Variants in MROH7 observed in about 807,000 individuals in gnomAD.
The protein encoded by MROH7 is maestro heat like repeat family member 7.
Under a neutral mutation model 129.2 loss-of-function variants are expected in MROH7, and 113 were observed. The ratio of observed to expected loss-of-function variants is 0.87; its 90% CI spans 0.75 to 1.02. The LOEUF (loss-of-function observed/expected upper bound fraction) is 1.02. Among genes scored for constraint, MROH7 ranks in the 50% least tolerant of loss-of-function variants. The pLI, the probability that MROH7 is intolerant of heterozygous loss-of-function variation, is 0.00. For synonymous variants in MROH7, 655 were observed against 667.9 expected (o/e 0.98, Z 0.30); for missense variants, 1,601 against 1,671.3 (o/e 0.96, Z 0.73).
At chr1:54,699,866 T>G in intron 17 of MROH7, 1 of 517,154 alleles carries the variant, frequency 1.9e-6, no homozygotes, top group African/African-American at 1.9e-5. Context: ...AAGCCTAGCT[T>G]TAAGGCTCTG....
intron 13 of MROH7, among the ~76,000 whole-genome samples, chr1:54,680,937 T>C (rs1557712557): frequency 6.6e-6 from 1 of 151,656 alleles, no homozygotes; most frequent in Non-Finnish European, 1.5e-5. Flanking sequence ...CTGGCTGTAC[T>C]CCCCACCAGG....
intron 1 of MROH7, among the ~76,000 whole-genome samples, chr1:54,646,117 G>A (rs1325798646): frequency 1.3e-5 from 2 of 152,208 alleles, no homozygotes; most frequent in South Asian, 2.1e-4. Flanking sequence ...GGGGTAGAAG[G>A]CATTTCCCTG....
intron 14 of MROH7, among the ~76,000 whole-genome samples, chr1:54,685,976 G>A (rs1440121914): frequency 6.6e-6 from 1 of 152,146 alleles, no homozygotes; most frequent in Non-Finnish European, 1.5e-5. Flanking sequence ...CCTCTCAAGA[G>A]GTAGAAGGGA....
At chr1:54,685,768 G>A (rs1194511341) in intron 14 of MROH7, among the ~76,000 whole-genome samples, 1 of 152,154 alleles carries the variant, frequency 6.6e-6, no homozygotes, top group African/African-American at 2.4e-5. Context: ...GGCCCAGGGT[G>A]AAGAGGCCAG....
intron 1 of MROH7, among the ~76,000 whole-genome samples, chr1:54,643,991 G>A (rs1644425182): frequency 1.3e-5 from 2 of 152,046 alleles, no homozygotes; most frequent in Non-Finnish European, 2.9e-5. Context: ...TTTTTTTAAA[G>A]TCTTTATTCT....
chr1:54,678,925 G>A, intron 11 of MROH7, 71 bp downstream of exon 11: 2 of 1,238,672 alleles, frequency 1.6e-6, no homozygotes, highest in South Asian at 1.2e-5. Context: ...TGGCCCCAAA[G>A]CTTTCTTCCC....
At chr1:54,693,568 A>G (rs1276779349) in intron 16 of MROH7, among the ~76,000 whole-genome samples, 1 of 152,200 alleles carries the variant, frequency 6.6e-6, no homozygotes, top group East Asian at 1.9e-4. Flanking sequence ...AGGAATTGTC[A>G]TGTGCCCGAA....
At chr1:54,699,136 T>TTC (rs1645378294) in intron 17 of MROH7, 1 of 102,548 alleles carries the variant, frequency 9.8e-6, no homozygotes, top group Admixed American at 9.7e-5. Flanking sequence ...CTTTCTTTCT[T>TTC]TCTTTCTTTC....
Position 54,701,140 on chromosome 1 carries a change from C to T in MROH7, c.3106-3C>T. ...CCTCATCCCAAATGCTCCTGCCCCA[C>T]AGACCGCCAAGGTGAAGGCCCTCCT... is the stretch of plus-strand genomic sequence containing the variant. On this transcript the variant is annotated splice_region_variant and splice_polypyrimidine_tract_variant and intron_variant, in intron 18 of 23. Coordinates refer to ENST00000421030, the MANE Select transcript of MROH7 (RefSeq NM_001039464.4). 1 of 1,613,248 alleles carries T rather than the reference C, an allele frequency of 6.2e-7. No homozygotes were observed. The highest frequency in any genetic ancestry group is 8.5e-7 in the Non-Finnish European group (1 of 1,180,014).
At chr1:54,675,741 G>C (rs1644970092) in intron 10 of MROH7, among the ~76,000 whole-genome samples, 1 of 151,662 alleles carries the variant, frequency 6.6e-6, no homozygotes, top group Non-Finnish European at 1.5e-5. Flanking sequence ...GGGACTACAG[G>C]AGCATGCTAC....
intron 3 of MROH7, among the ~76,000 whole-genome samples, chr1:54,658,868 A>C (rs1210408123): frequency 6.6e-6 from 1 of 152,148 alleles, no homozygotes; most frequent in African/African-American, 2.4e-5. Flanking sequence ...AGTAGATGCT[A>C]GTAGCAACCT....
intron 3 of MROH7, among the ~76,000 whole-genome samples, chr1:54,654,748 C>G (rs1644615903): frequency 6.6e-6 from 1 of 152,154 alleles, no homozygotes; most frequent in Admixed American, 6.5e-5. Flanking sequence ...CAAACTATCC[C>G]TTCCATTCAA....
intron 17 of MROH7, chr1:54,699,159 T>TTTCTTTCTTTCTTTTCTTTCTTTC (rs71048705): frequency 6.2e-4 from 41 of 65,952 alleles, no homozygotes; most frequent in Admixed American, 2.2e-3. Flanking sequence ...TCTTTCTTTC[T>TTTCTTTCTTTCTTTTCTTTCTTTC]TTTCTTTCTT....
chr1:54,687,658 G>GTT (rs1645169953), intron 15 of MROH7, among the ~76,000 whole-genome samples: 1 of 152,136 alleles, frequency 6.6e-6, no homozygotes, highest in South Asian at 2.1e-4. Flanking sequence ...ATAAAATGGA[G>GTT]TGACTCCTAA....
At chr1:54,707,029 TA>T (rs1447014085) in intron 22 of MROH7, among the ~76,000 whole-genome samples, 1 of 152,236 alleles carries the variant, frequency 6.6e-6, no homozygotes, top group African/African-American at 2.4e-5. Context: ...TGAATGAGAA[TA>T]TTTTTTAAAA....
chr1:54,669,883 G>T (rs999503438), intron 5 of MROH7, among the ~76,000 whole-genome samples: 2 of 151,806 alleles, frequency 1.3e-5, no homozygotes, highest in East Asian at 3.9e-4. Context: ...ACGTGTCTGT[G>T]GTCCCAGCTA....
intron 14 of MROH7, among the ~76,000 whole-genome samples, chr1:54,683,426 G>A (rs896625126): frequency 3.9e-5 from 6 of 152,164 alleles, no homozygotes; most frequent in Non-Finnish European, 8.8e-5. Flanking sequence ...CTGAAGAGAC[G>A]GATTTGTCTC....
intron 6 of MROH7, 111 bp downstream of exon 6, chr1:54,670,687 C>A (rs1331739690): frequency 1.4e-6 from 2 of 1,411,670 alleles, no homozygotes; most frequent in Non-Finnish European, 1.9e-6. Context: ...ACCCCTCGCC[C>A]GGTGCCTTTT....
intron 15 of MROH7, among the ~76,000 whole-genome samples, 200 bp downstream of exon 15, chr1:54,686,648 C>T (rs1373731506): frequency 6.6e-6 from 1 of 152,214 alleles, no homozygotes; most frequent in Admixed American, 6.5e-5. Flanking sequence ...GCATTACACA[C>T]TGTGTTTAGT....
Sources: gnomAD v4.1 joint callset for allele counts (sites outside exome capture counted in the v4.1 genomes callset) on GRCh38, gnomAD v4.1.1 for gene constraint, MANE v1.5 for transcripts, NCBI Gene and HGNC (gene_info 2026-07-23, HGNC 2026-07-21) for gene names.